NR2F2: variants seen among roughly 807,000 people sequenced by gnomAD.
The protein encoded by NR2F2 is nuclear receptor subfamily 2 group F member 2.
NR2F2 carries 2 observed loss-of-function variants against 34.8 expected under a neutral mutation model. The observed-to-expected ratio is 0.06, with a 90% confidence interval of 0.02 to 0.18. The LOEUF (loss-of-function observed/expected upper bound fraction) is 0.18, where lower values mean the gene tolerates loss of function less well. Ranked by LOEUF, NR2F2 falls within the 10% of genes least tolerant of loss-of-function variation. The probability of loss-of-function intolerance (pLI) is 1.00; values close to 1 mark genes in which losing one functional copy is unlikely to be tolerated. For synonymous variants in NR2F2, 274 were observed against 251.8 expected (o/e 1.09, Z -0.84); for missense variants, 300 against 580.1 (o/e 0.52, Z 4.96).
Position 96,337,493 on chromosome 15 carries a change from C to G in NR2F2, c.1116C>G (p.Thr372=), listed in dbSNP as rs768808083. 1 of 1,614,106 alleles carries G rather than the reference C, an allele frequency of 6.2e-7. No homozygotes were observed. The highest frequency in any genetic ancestry group is 8.5e-7 in the Non-Finnish European group (1 of 1,180,034). ...TGCTTCGCCTCCCTTCCCTCCGCAC[C>G]GTCTCCTCCTCAGTCATAGAGCAAT... ...KLLLRLPSLR[T]VSSSVIEQLF... Residue 372 remains threonine, a synonymous_variant, in exon 3 of 3, where the codon ACC becomes ACG. Coordinates refer to ENST00000394166, the MANE Select transcript of NR2F2 (RefSeq NM_021005.4).
upstream of NR2F2, among the ~76,000 whole-genome samples, chr15:96,330,400 T>TCGGCGGCGG (rs560453342): frequency 1.1e-3 from 160 of 143,478 alleles, 1 homozygote; most frequent in East Asian, 1.8e-3. Context: ...CATCCCCCTC[T>TCGGCGGCGG]CGGCGGCGGC....
chr15:96,326,687 C>T (rs1337534608), upstream of NR2F2, among the ~76,000 whole-genome samples: 2 of 152,128 alleles, frequency 1.3e-5, no homozygotes, highest in Admixed American at 6.5e-5. This position sits in a 1 kb window ranked among gnomAD's most constrained non-coding sequence, Gnocchi z 5.5. Flanking sequence ...TCATTTCCTT[C>T]CACAGAGCAA....
chr15:96,326,499 T>TC, upstream of NR2F2: 1 of 620,186 alleles, frequency 1.6e-6, no homozygotes, highest in Non-Finnish European at 2.9e-6. The surrounding 1 kb of genome is among the most constrained non-coding windows in gnomAD (Gnocchi z 5.5). Flanking sequence ...TTTAAGGGGT[T>TC]CGGGGAAGGG....
chr15:96,337,258 A>G, intron 2 of NR2F2, 90 bp from the exon 3 acceptor site: 1 of 1,498,136 alleles, frequency 6.7e-7, no homozygotes, highest in East Asian at 2.3e-5. Flanking sequence ...GACCCAATTC[A>G]AACCTCTTAA....
Position 96,334,479 on chromosome 15 carries a change from C to G in NR2F2, c.846C>G (p.Ala282=). 6.2e-7 allele frequency: 1 copy of G among 1,614,004 alleles called. No homozygotes were observed. The highest frequency in any genetic ancestry group is 8.5e-7 in the Non-Finnish European group (1 of 1,180,012). The change falls in exon 2 of 3, where the codon GCC becomes GCG. Residue 282 remains alanine (A), a synonymous_variant. Coordinates refer to ENST00000394166, the MANE Select transcript of NR2F2 (RefSeq NM_021005.4). ...GCCTGCATGCTTCGCCCATGTCCGC[C>G]GACCGGGTGGTCGCCTTTATGGACC... ...AAGLHASPMS[A]DRVVAFMDHI...
In NR2F2 at chr15:96,330,825, CGTGT is replaced by C. The variant is rs996791631; in HGVS notation, c.-1276_-1273del. 8.8e-7 allele frequency: 1 copy of C among 1,138,522 alleles called. No homozygotes were observed. The highest frequency in any genetic ancestry group is 1.1e-6 in the Non-Finnish European group (1 of 924,466). The allele number at this position is 1,138,522 out of a possible 1,614,324, so 70.5% of individuals were successfully genotyped here. A position where few individuals can be genotyped will look rare whatever the true frequency, so the allele number is the denominator to read the frequency against. On this transcript the variant is annotated 5_prime_UTR_variant, in exon 1 of 3. Transcript: ENST00000394166. ...TCCGCGGTGTGTGTGTGCGTGCGCG[CGTGT>C]GTGTTTTCTTCTTCTCCTCCTCCTC...
At chr15:96,333,131 A>G (rs1899202022) in intron 1 of NR2F2, 1 of 171,724 alleles carries the variant, frequency 5.8e-6, no homozygotes, top group African/African-American at 2.4e-5. Context: ...TTTTGAAACG[A>G]AGAGAGCGCG....
rs566583016 is a variant in NR2F2, at chr15:96,331,465, C to G, written c.-641C>G. The G allele has an allele frequency of 1.1e-5, 13 of 1,231,256 alleles. No homozygotes were observed. In the South Asian group the frequency reaches 2.5e-4, roughly 23 times the overall value. 76.3% of individuals were successfully genotyped at this position (1,231,256 alleles called of 1,614,324 possible). ...CCGGCGCCTCCGATCTCCTAGTCCT[C>G]CTGATTTCGATGGCTTTCCTGAATG... On this transcript the variant is annotated 5_prime_UTR_variant, in exon 1 of 3. Coordinates refer to ENST00000394166, the MANE Select transcript of NR2F2 (RefSeq NM_021005.4).
chr15:96,330,007 G>A (rs1168260482), upstream of NR2F2, among the ~76,000 whole-genome samples: 1 of 152,004 alleles, frequency 6.6e-6, no homozygotes, highest in Non-Finnish European at 1.5e-5. Context: ...TCACCAAACC[G>A]AACAAGTGAT....
Position 96,331,522 on chromosome 15 carries a change from C to T in NR2F2, c.-584C>T, listed in dbSNP as rs949953763. ...TGTGGGCTGCCCTGGACTTGGCCCC[C>T]GGACAGTCGCCTCTCCTCCTCCTCT... On this transcript the variant is annotated 5_prime_UTR_variant, in exon 1 of 3. Coordinates refer to ENST00000394166, the MANE Select transcript of NR2F2 (RefSeq NM_021005.4). 8.1e-7 allele frequency: 1 copy of T among 1,230,314 alleles called. No homozygotes were observed. The highest frequency in any genetic ancestry group is 1.0e-6 in the Non-Finnish European group (1 of 987,326). The allele number at this position is 1,230,314 out of a possible 1,614,324, so 76.2% of individuals were successfully genotyped here. A position where few individuals can be genotyped will look rare whatever the true frequency, so the allele number is the denominator to read the frequency against.
In NR2F2 at chr15:96,339,008, TTATC is replaced by T. The variant is rs1899418887; in HGVS notation, c.*1390_*1393del. 6.6e-6 allele frequency: 1 copy of T among 151,600 alleles called. No homozygotes were observed. The highest frequency in any genetic ancestry group is 1.5e-5 in the Non-Finnish European group (1 of 67,934). 9.4% of individuals were successfully genotyped at this position (151,600 alleles called of 1,614,324 possible). A position where few individuals can be genotyped will look rare whatever the true frequency, so the allele number is the denominator to read the frequency against. On this transcript the variant is annotated 3_prime_UTR_variant, in exon 3 of 3. Coordinates refer to ENST00000394166, the MANE Select transcript of NR2F2 (RefSeq NM_021005.4). ...TGGGGGGGGAGCTGAAGTTAATGGT[TTATC>T]TATGGTTTAGGAAGTGCCATACTGA...
chr15:96,327,972 T>C (rs1899036246), upstream of NR2F2, among the ~76,000 whole-genome samples: 1 of 152,234 alleles, frequency 6.6e-6, no homozygotes, highest in African/African-American at 2.4e-5. Context: ...ACAACAATAA[T>C]ATATTGATTT....
At chr15:96,327,433 C>T (rs1397449293), upstream of NR2F2, 2 of 152,184 alleles carry the variant, frequency 1.3e-5, no homozygotes, top group Admixed American at 6.5e-5. Context: ...AGATACTGTA[C>T]TTGCTCTAAT....
chr15:96,331,389 G>C lies in NR2F2; in HGVS notation c.-717G>C. 1.6e-6 allele frequency: 2 copies of C among 1,226,284 alleles called. No homozygotes were observed. The highest frequency in any genetic ancestry group is 2.0e-6 in the Non-Finnish European group (2 of 984,632). The allele number at this position is 1,226,284 out of a possible 1,614,324, so 76.0% of individuals were successfully genotyped here. On this transcript the variant is annotated 5_prime_UTR_variant, in exon 1 of 3. Transcript: ENST00000394166. The stretch of plus-strand genomic sequence containing the variant: ...CCGGGCAGCGCTCCGGCCACTCCGC[G>C]GGCCGCCGGCCTCCGCCCCGGCCTG...
In NR2F2 at chr15:96,330,877, C is replaced by T; in HGVS notation, c.-1229C>T. ...CTCTCCCCGAGTTGCCTCCTTTCTC[C>T]GGGTGCCGTACTGCCTTTTTTCCCC... On this transcript the variant is annotated 5_prime_UTR_variant, in exon 1 of 3. Coordinates refer to ENST00000394166, the MANE Select transcript of NR2F2 (RefSeq NM_021005.4). 3 of 1,155,536 alleles carry T rather than the reference C, an allele frequency of 2.6e-6. No homozygotes were observed. The highest frequency in any genetic ancestry group is 3.2e-6 in the Non-Finnish European group (3 of 938,364). 71.6% of individuals were successfully genotyped at this position (1,155,536 alleles called of 1,614,324 possible).
At chr15:96,332,940 T>TC (rs1899193784) in intron 1 of NR2F2, among the ~76,000 whole-genome samples, 2 of 27,206 alleles carry the variant, frequency 7.4e-5, no homozygotes, top group Non-Finnish European at 1.3e-4. Flanking sequence ...CCCCACCCTC[T>TC]CAAAAAAAAA....
At position 96,340,132 on chromosome 15, in the gene NR2F2, G is replaced by GA. The variant is rs1170048139; in HGVS notation, c.*2512dup. The GA allele has an allele frequency of 2.6e-5, 4 of 152,214 alleles. No individual in the cohort carries two copies. The highest frequency in any genetic ancestry group is 5.9e-5 in the Non-Finnish European group (4 of 68,044). 9.4% of individuals were successfully genotyped at this position (152,214 alleles called of 1,614,324 possible). A position where few individuals can be genotyped will look rare whatever the true frequency, so the allele number is the denominator to read the frequency against. On this transcript the variant is annotated 3_prime_UTR_variant, in exon 3 of 3. Coordinates refer to ENST00000394166, the MANE Select transcript of NR2F2 (RefSeq NM_021005.4). The stretch of plus-strand genomic sequence containing the variant: ...GCAAGTGCTATCCATGTGAGTGTGT[G>GA]AAGTTTCTCTAATAAGTAAAACACA...
At position 96,332,273 on chromosome 15, in the gene NR2F2, G is replaced by A. The variant is rs962025031; in HGVS notation, c.168G>A (p.Ala56=). The stretch of plus-strand genomic sequence containing the variant: ...CAGCCAGCACGCCAGCCCAGACGGC[G>A]GCCGGTGGCCAGGGCGGCCCTGGCG... The part of the protein sequence containing the change: ...GGPASTPAQT[A]AGGQGGPGGP... Residue 56 remains alanine (A), a synonymous_variant, in exon 1 of 3, where the codon GCG becomes GCA. Coordinates refer to ENST00000394166, the MANE Select transcript of NR2F2 (RefSeq NM_021005.4). 8 of 1,552,718 alleles carry A rather than the reference G, an allele frequency of 5.2e-6. No individual in the cohort carries two copies. In the African/African-American group the frequency reaches 5.5e-5, roughly 11 times the overall value.
chr15:96,326,394 C>G, upstream of NR2F2: 1 of 1,540,794 alleles, frequency 6.5e-7, no homozygotes, highest in Non-Finnish European at 9.0e-7. This position sits in a 1 kb window ranked among gnomAD's most constrained non-coding sequence, Gnocchi z 5.5. Flanking sequence ...TCTTTCCTTT[C>G]TCACTTTTCT....
Sources: allele counts gnomAD v4.1 joint callset (sites outside exome capture counted in the v4.1 genomes callset), GRCh38; gene constraint gnomAD v4.1.1; non-coding constraint Gnocchi (gnomAD v3.1); transcripts MANE v1.5; gene names NCBI Gene and HGNC (gene_info 2026-07-23, HGNC 2026-07-21).